SLC66A2: variants seen among roughly 807,000 people sequenced by gnomAD.
SLC66A2 encodes PQ loop repeat containing 1.
SLC66A2 carries 23 observed loss-of-function variants against 25.5 expected under a neutral mutation model. That is an observed-to-expected ratio of 0.90 (90% CI 0.65 to 1.28). SLC66A2 has a LOEUF of 1.28. Among genes scored for constraint, SLC66A2 ranks in the 50% most tolerant of loss-of-function variants. SLC66A2 has a pLI of 0.00. For missense variants in SLC66A2, 396 were observed against 373.1 expected (o/e 1.06, Z -0.51); for synonymous variants, 193 against 166.5 (o/e 1.16, Z -1.23).
intron 5 of SLC66A2, among the ~76,000 whole-genome samples, chr18:79,915,002 G>C (rs1208510965): frequency 6.6e-6 from 1 of 152,240 alleles, no homozygotes; most frequent in African/African-American, 2.4e-5. Flanking sequence ...AAATAAGGAC[G>C]TGCGGCACAA....
chr18:79,912,970 G>T (rs545770006), intron 5 of SLC66A2, among the ~76,000 whole-genome samples: 3 of 152,294 alleles, frequency 2.0e-5, no homozygotes, highest in Non-Finnish European at 2.9e-5. Context: ...GTGGCCCCAG[G>T]GGAGACATGC....
chr18:79,930,214 A>G (rs2144858434), intron 4 of SLC66A2: 1 of 152,370 alleles, frequency 6.6e-6, no homozygotes, highest in East Asian at 1.9e-4. Context: ...AGAGAAAAAT[A>G]ATTTATCACT....
At chr18:79,922,053 A>T (rs1236421203) in intron 4 of SLC66A2, among the ~76,000 whole-genome samples, 1 of 151,662 alleles carries the variant, frequency 6.6e-6, no homozygotes, top group Admixed American at 6.6e-5. Context: ...GTGAGGAGAG[A>T]TGGGAACTGA....
At chr18:79,926,431 G>C (rs1426735800) in intron 4 of SLC66A2, among the ~76,000 whole-genome samples, 2 of 152,082 alleles carry the variant, frequency 1.3e-5, no homozygotes, top group African/African-American at 4.8e-5. Flanking sequence ...CACAGCACTG[G>C]TTTCGAACAC....
At chr18:79,949,008 A>G (rs2051025461) in intron 2 of SLC66A2, among the ~76,000 whole-genome samples, 1 of 152,174 alleles carries the variant, frequency 6.6e-6, no homozygotes, top group Non-Finnish European at 1.5e-5. Context: ...AGTCTCCAAA[A>G]TGAGCACCCC....
intron 5 of SLC66A2, 96 bp downstream of exon 5, chr18:79,919,088 C>T: frequency 8.9e-7 from 1 of 1,128,066 alleles, no homozygotes; most frequent in Non-Finnish European, 1.3e-6. Context: ...GTGGGAAATA[C>T]ACAGCCAGAC....
intron 4 of SLC66A2, among the ~76,000 whole-genome samples, chr18:79,926,309 C>T (rs981744463): frequency 1.3e-5 from 2 of 152,156 alleles, no homozygotes; most frequent in Admixed American, 1.3e-4. Flanking sequence ...TTGTGCGAGA[C>T]CCAAGAGTCC....
chr18:79,913,916 G>C (rs1001397554), intron 5 of SLC66A2, among the ~76,000 whole-genome samples: 2 of 152,176 alleles, frequency 1.3e-5, no homozygotes, highest in Admixed American at 6.5e-5. Context: ...CCAAAGTCTT[G>C]TTTGTTTTTT....
intron 2 of SLC66A2, 133 bp from the exon 3 acceptor site, chr18:79,943,595 C>T (rs1459948319): frequency 1.9e-6 from 2 of 1,051,156 alleles, no homozygotes; most frequent in African/African-American, 1.6e-5. Context: ...GAACCTGCAG[C>T]CGGAGAGACC....
At chr18:79,951,188 G>C (rs1436241586) in intron 1 of SLC66A2, among the ~76,000 whole-genome samples, 163 bp from the exon 2 acceptor site, 6 of 151,700 alleles carry the variant, frequency 4.0e-5, no homozygotes, top group Admixed American at 3.9e-4. Flanking sequence ...GGGGGTGTCT[G>C]GGGGTCCCGA....
At chr18:79,914,648 G>A (rs140826743) in intron 5 of SLC66A2, among the ~76,000 whole-genome samples, 56 of 152,358 alleles carry the variant, frequency 3.7e-4, no homozygotes, top group African/African-American at 1.3e-3. Flanking sequence ...GCGGTGGCCT[G>A]GACCCATGCG....
At chr18:79,942,335 C>T (rs1439595250) in intron 3 of SLC66A2, among the ~76,000 whole-genome samples, 1 of 152,190 alleles carries the variant, frequency 6.6e-6, no homozygotes, top group Non-Finnish European at 1.5e-5. Flanking sequence ...CACTAACTGG[C>T]CCAGGTCACA....
chr18:79,925,011 C>G (rs563164249), intron 4 of SLC66A2: 1 of 152,342 alleles, frequency 6.6e-6, no homozygotes, highest in Admixed American at 6.5e-5. Context: ...CAGGAGAAGT[C>G]GGCGGACACG....
intron 1 of SLC66A2, among the ~76,000 whole-genome samples, chr18:79,951,305 C>T (rs1780954575): frequency 6.7e-6 from 1 of 150,138 alleles, no homozygotes. Flanking sequence ...GGTCCACGCG[C>T]GCCCCGGGAT....
Position 79,911,281 on chromosome 18 carries a change from C to T in SLC66A2, c.609-7098G>A, listed in dbSNP as rs541940939. Among the ~76,000 whole-genome samples, 13 of 152,380 alleles carry T rather than the reference C, an allele frequency of 8.5e-5. No individual in the cohort carries two copies. The East Asian group carries it at 1.4e-3, about 16-fold the overall frequency. ...ATCTTTCCGTCCCCTTCCCTGCTGA[C>T]GCCTCCAACACACAGAACCCCAGGG... On this transcript the variant is annotated intron_variant, in intron 5 of 5. Transcript: ENST00000397778.
chr18:79,915,458 G>C (rs939576055), intron 5 of SLC66A2: 1 of 152,386 alleles, frequency 6.6e-6, no homozygotes, highest in Non-Finnish European at 1.5e-5. Context: ...CGTTCCTGAC[G>C]AGGATGCACA....
intron 5 of SLC66A2, among the ~76,000 whole-genome samples, chr18:79,910,411 A>G (rs530733525): frequency 2.0e-4 from 14 of 68,752 alleles, no homozygotes; most frequent in African/African-American, 8.4e-4. Context: ...CTTCCCTACC[A>G]TCTCACAACG....
Position 79,918,451 on chromosome 18 carries a change from C to T in SLC66A2, c.608+733G>A, listed in dbSNP as rs1473141726. ...GGGGTCCCCAGTGAGGAGCGGGCAC[C>T]GGGGAGGGTCCCCAGTGAGGAGCGG... On this transcript the variant is annotated intron_variant, in intron 5 of 5. Coordinates refer to ENST00000397778, the MANE Select transcript of SLC66A2 (RefSeq NM_025078.5). The surrounding 1 kb of genome is among the most constrained non-coding windows in gnomAD (Gnocchi z 4.0). Among the ~76,000 whole-genome samples the T allele has an allele frequency of 5.0e-5, 7 of 141,208 alleles. No individual in the cohort carries two copies. Among genetic ancestry groups the T allele is most frequent in the Admixed American group, 2.1e-4 (3 of 14,194 alleles). 92.6% of individuals were successfully genotyped at this position (141,208 alleles called of 152,430 possible). A position where few individuals can be genotyped will look rare whatever the true frequency, so the allele number is the denominator to read the frequency against.
At position 79,940,453 on chromosome 18, in the gene SLC66A2, T is replaced by A. The variant is rs760796193; in HGVS notation, c.337+2876A>T. Among the ~76,000 whole-genome samples, 5 of 151,642 alleles carry A rather than the reference T, an allele frequency of 3.3e-5. No homozygotes were observed. Among genetic ancestry groups the A allele is most frequent in the Non-Finnish European group, 7.4e-5 (5 of 67,922 alleles). ...AAACCCCCGTGACAAACAATTTACC[T>A]ATATAACAAACCTGCACATGTACCT... On this transcript the variant is annotated intron_variant, in intron 3 of 5. Coordinates refer to ENST00000397778, the MANE Select transcript of SLC66A2 (RefSeq NM_025078.5). The surrounding 1 kb of genome is among the most constrained non-coding windows in gnomAD (Gnocchi z 4.1).
Sources: gnomAD v4.1 joint callset for allele counts (sites outside exome capture counted in the v4.1 genomes callset) on GRCh38, gnomAD v4.1.1 for gene constraint, Gnocchi (gnomAD v3.1) non-coding constraint, MANE v1.5 for transcripts, NCBI Gene and HGNC (gene_info 2026-07-23, HGNC 2026-07-21) for gene names.